PKIG: variants seen among roughly 807,000 people sequenced by gnomAD.
The protein encoded by PKIG is protein kinase (cAMP-dependent, catalytic) inhibitor gamma.
A neutral mutation model predicts 6.8 loss-of-function variants in PKIG; 1 was observed. The observed-to-expected ratio is 0.15, with a 90% CI of 0.05 to 0.69. PKIG has a LOEUF of 0.69. Ranked by LOEUF, PKIG falls within the 30% of genes least tolerant of loss-of-function variation. The pLI, the probability that PKIG is intolerant of heterozygous loss-of-function variation, is 0.82. For synonymous variants in PKIG, 39 were observed against 43.0 expected, an observed-to-expected ratio of 0.91 and a Z score of 0.36; for missense variants, 77 against 104.0, an observed-to-expected ratio of 0.74 and a Z score of 1.13.
chr20:44,560,386 T>C (rs2064756319), intron 1 of PKIG, among the ~76,000 whole-genome samples: 1 of 152,206 alleles, frequency 6.6e-6, no homozygotes, highest in African/African-American at 2.4e-5. Flanking sequence ...CAAAGTTATT[T>C]ATGGCCATAT....
chr20:44,540,061 A>G (rs2064547231), intron 1 of PKIG, among the ~76,000 whole-genome samples: 1 of 151,968 alleles, frequency 6.6e-6, no homozygotes, highest in African/African-American at 2.4e-5. Flanking sequence ...CCAGGGTTCA[A>G]GCTATTCTCC....
At position 44,582,582 on chromosome 20, in the gene PKIG, T is replaced by C. The variant is rs1294359050; in HGVS notation, c.-243T>C. 1.3e-5 allele frequency: 2 copies of C among 152,354 alleles called. No homozygotes were observed. The highest frequency in any genetic ancestry group is 2.9e-5 in the Non-Finnish European group (2 of 68,110). The allele number at this position is 152,354 out of a possible 1,614,324, so 9.4% of individuals were successfully genotyped here. A position where few individuals can be genotyped will look rare whatever the true frequency, so the allele number is the denominator to read the frequency against. On this transcript the variant is annotated 5_prime_UTR_variant, in exon 1 of 4. Coordinates refer to ENST00000372886, the MANE Select transcript of PKIG (RefSeq NM_001281445.2). ...CTAAAACCTCAAAGTGCTTTTCATT[T>C]AGGAGACACGGGGAAGAGACAGAGA...
At chr20:44,616,306 C>A (rs1204581506) in intron 3 of PKIG, among the ~76,000 whole-genome samples, 1 of 152,214 alleles carries the variant, frequency 6.6e-6, no homozygotes, top group East Asian at 1.9e-4. Flanking sequence ...CTAGACTGAG[C>A]TTCTCCAGCA....
At chr20:44,546,364 T>G (rs149324425) in intron 1 of PKIG, among the ~76,000 whole-genome samples, 137 of 152,262 alleles carry the variant, frequency 9.0e-4, no homozygotes, top group African/African-American at 3.2e-3. Flanking sequence ...TTTTAAAAAA[T>G]GAGTTATACC....
At chr20:44,612,687 T>C (rs1477160757) in intron 2 of PKIG, among the ~76,000 whole-genome samples, 2 of 152,220 alleles carry the variant, frequency 1.3e-5, no homozygotes, top group Admixed American at 1.3e-4. Flanking sequence ...TAAGTCTTTC[T>C]GCCAATTTTT....
At chr20:44,558,944 C>T (rs1452861397) in intron 1 of PKIG, among the ~76,000 whole-genome samples, 1 of 151,900 alleles carries the variant, frequency 6.6e-6, no homozygotes, top group Non-Finnish European at 1.5e-5. Flanking sequence ...TGAAGTTATG[C>T]CTAAACCCTT....
chr20:44,537,050 C>T (rs2064518685), intron 1 of PKIG, among the ~76,000 whole-genome samples: 2 of 152,178 alleles, frequency 1.3e-5, no homozygotes, highest in African/African-American at 4.8e-5. Flanking sequence ...CTGCCTCAGC[C>T]TCCCAAGTAG....
chr20:44,543,921 G>A (rs1050481570), intron 1 of PKIG, among the ~76,000 whole-genome samples: 12 of 152,018 alleles, frequency 7.9e-5, no homozygotes, highest in African/African-American at 1.7e-4. Flanking sequence ...AAAATTAGCC[G>A]TGTGTGATGG....
upstream of PKIG, among the ~76,000 whole-genome samples, chr20:44,580,495 G>A (rs1339476922): frequency 1.3e-5 from 2 of 151,958 alleles, no homozygotes; most frequent in Admixed American, 6.6e-5. Flanking sequence ...ACAGGAACAC[G>A]CCACCACGCC....
rs1429385875 is a variant in PKIG at position 44,591,881 on chromosome 20, C to G, written c.-24+2015C>G. ...TCCTCAAGCGCACATTAAGTGCATCCTGTCGCTGCAGCTTATCGCCTGGGA... is the reference window on the plus strand; with the variant it reads ...TCCTCAAGCGCACATTAAGTGCATCGTGTCGCTGCAGCTTATCGCCTGGGA... On this transcript the variant is annotated intron_variant, in intron 2 of 3. Coordinates refer to ENST00000372886, the MANE Select transcript of PKIG (RefSeq NM_001281445.2). 3.3e-5 allele frequency among the ~76,000 whole-genome samples: 5 copies of G among 152,170 alleles called. No homozygotes were observed. In the East Asian group the frequency reaches 5.8e-4, roughly 18 times the overall value.
At chr20:44,587,572 G>A (rs1470953842) in intron 1 of PKIG, among the ~76,000 whole-genome samples, 5 of 152,080 alleles carry the variant, frequency 3.3e-5, no homozygotes, top group South Asian at 2.1e-4. Context: ...CTGATTTTCC[G>A]TTGGTTTGTT....
At chr20:44,556,098 C>T (rs1410816234) in intron 1 of PKIG, among the ~76,000 whole-genome samples, 1 of 152,212 alleles carries the variant, frequency 6.6e-6, no homozygotes, top group East Asian at 1.9e-4. Context: ...CTTGGCCTCC[C>T]AAAGTGCTGG....
chr20:44,605,491 T>G (rs2065156605), intron 2 of PKIG, among the ~76,000 whole-genome samples: 1 of 149,114 alleles, frequency 6.7e-6, no homozygotes, highest in Non-Finnish European at 1.5e-5. Context: ...TTTACATCAA[T>G]GAGGAAATGA....
At chr20:44,593,946 C>G (rs1049968659) in intron 2 of PKIG, among the ~76,000 whole-genome samples, 7 of 152,188 alleles carry the variant, frequency 4.6e-5, no homozygotes, top group Non-Finnish European at 7.3e-5. Context: ...TGTGTAAGCT[C>G]AAAGAGTATG....
chr20:44,545,369 A>G (rs917471700), intron 1 of PKIG, among the ~76,000 whole-genome samples: 4 of 152,316 alleles, frequency 2.6e-5, no homozygotes, highest in Middle Eastern at 6.8e-3. Context: ...TATTATGTTA[A>G]CCAATGAAAT....
At chr20:44,608,191 A>G (rs572325864) in intron 2 of PKIG, among the ~76,000 whole-genome samples, 6 of 152,330 alleles carry the variant, frequency 3.9e-5, no homozygotes, top group African/African-American at 9.6e-5. Context: ...TGCACACATA[A>G]TCTAAAATTA....
At chr20:44,563,214 A>G (rs184042091) in intron 1 of PKIG, among the ~76,000 whole-genome samples, 1 of 152,206 alleles carries the variant, frequency 6.6e-6, no homozygotes, top group African/African-American at 2.4e-5. Flanking sequence ...CCTGACAGTG[A>G]CATTATGAGA....
intron 1 of PKIG, among the ~76,000 whole-genome samples, chr20:44,554,529 C>G (rs570536848): frequency 6.6e-6 from 1 of 152,098 alleles, no homozygotes; most frequent in East Asian, 1.9e-4. Context: ...TGAGCAGGGT[C>G]CAGACTTGAT....
intron 1 of PKIG, among the ~76,000 whole-genome samples, chr20:44,576,993 G>A (rs576615284): frequency 2.0e-5 from 3 of 152,170 alleles, no homozygotes; most frequent in East Asian, 1.9e-4. Flanking sequence ...AAGCAGCCAC[G>A]TGTACTCCAA....
Sources: allele counts gnomAD v4.1 joint callset (sites outside exome capture counted in the v4.1 genomes callset), GRCh38; gene constraint gnomAD v4.1.1; transcripts MANE v1.5; gene names NCBI Gene and HGNC (gene_info 2026-07-23, HGNC 2026-07-21).